TTYH2: variants seen among roughly 807,000 people sequenced by gnomAD.
TTYH2 encodes the protein protein tweety homolog 2.
In TTYH2, 49 loss-of-function variants were observed where a neutral mutation model predicts 68.3. The ratio of observed to expected loss-of-function variants is 0.72; its 90% CI spans 0.57 to 0.91. The LOEUF (loss-of-function observed/expected upper bound fraction) is 0.91, where lower values mean the gene tolerates loss of function less well. Among genes scored for constraint, TTYH2 ranks in the 40% least tolerant of loss-of-function variants. The pLI is 0.00. For missense variants in TTYH2, 631 were observed against 700.4 expected (o/e 0.90, Z 1.12); for synonymous variants, 272 against 300.8 (o/e 0.90, Z 0.99).
chr17:74,245,664 G>A (rs1012170035), intron 6 of TTYH2, among the ~76,000 whole-genome samples: 12 of 152,256 alleles, frequency 7.9e-5, no homozygotes, highest in African/African-American at 2.9e-4. Context: ...CCCTGAGTGC[G>A]AGATGGGGAG....
chr17:74,222,053 G>A lies in TTYH2; in HGVS notation c.130-432G>A, dbSNP rs960353537. Among the ~76,000 whole-genome samples the A allele has an allele frequency of 2.0e-5, 3 of 152,132 alleles. No homozygotes were observed. Among genetic ancestry groups the A allele is most frequent in the Non-Finnish European group, 2.9e-5 (2 of 68,020 alleles). On this transcript the variant is annotated intron_variant, in intron 1 of 13. Transcript: ENST00000269346. The surrounding 1 kb of genome is among the most constrained non-coding windows in gnomAD (Gnocchi z 5.2). ...AGCGCCCGAGGCCTCTGGGTACTCTGGTCTTGGACGGTATCCCTCTCCTTG... is the reference window on the plus strand; with the variant it reads ...AGCGCCCGAGGCCTCTGGGTACTCTAGTCTTGGACGGTATCCCTCTCCTTG...
At position 74,213,799 on chromosome 17, in the gene TTYH2, T is replaced by C. The variant is rs1257785728; in HGVS notation, c.129+83T>C. 3 of 1,514,936 alleles carry C rather than the reference T, an allele frequency of 2.0e-6. No homozygotes were observed. Among genetic ancestry groups the C allele is most frequent in the African/African-American group, 1.4e-5 (1 of 71,470 alleles). 93.8% of individuals were successfully genotyped at this position (1,514,936 alleles called of 1,614,324 possible). On this transcript the variant is annotated intron_variant, in intron 1 of 13. Coordinates refer to ENST00000269346, the MANE Select transcript of TTYH2 (RefSeq NM_032646.6). This position sits in a 1 kb window ranked among gnomAD's most constrained non-coding sequence, Gnocchi z 6.1. ...CCTCTCCCCTCGAGAGCCTGCACTT[T>C]CCCACGTGCCTCTCAGACCCCTTCT...
rs947857352 is a variant in TTYH2 at position 74,214,880 on chromosome 17, C to G, written c.129+1164C>G. Reference sequence around the variant, plus strand: ...GAATCCTGATCCAGTGTGAGGTGCCCAAGCGCCAGTGACAGGGAGTCTAAT... The same window carrying G: ...GAATCCTGATCCAGTGTGAGGTGCCGAAGCGCCAGTGACAGGGAGTCTAAT... On this transcript the variant is annotated intron_variant, in intron 1 of 13. Coordinates refer to ENST00000269346, the MANE Select transcript of TTYH2 (RefSeq NM_032646.6). This position sits in a 1 kb window ranked among gnomAD's most constrained non-coding sequence, Gnocchi z 4.6. Among the ~76,000 whole-genome samples, 3 of 152,140 alleles carry G rather than the reference C, an allele frequency of 2.0e-5. No individual in the cohort carries two copies. In the South Asian group the frequency reaches 6.2e-4, roughly 32 times the overall value.
At chr17:74,238,559 G>T (rs1223831348) in intron 4 of TTYH2, among the ~76,000 whole-genome samples, 4 of 151,968 alleles carry the variant, frequency 2.6e-5, no homozygotes, top group African/African-American at 9.7e-5. Flanking sequence ...ACCACACCTG[G>T]CTAGTTTAAA....
intron 3 of TTYH2, 122 bp downstream of exon 3, chr17:74,231,121 G>A (rs556871413): frequency 3.3e-6 from 3 of 914,298 alleles, no homozygotes; most frequent in East Asian, 5.1e-5. Flanking sequence ...TGTGACGCCT[G>A]AGGGCTGGAC....
chr17:74,237,402 C>T lies in TTYH2; in HGVS notation c.523C>T (p.Gln175Ter), dbSNP rs2050454469. Residue 175 changes from glutamine (Q) to a stop codon, truncating the protein, a stop_gained, in exon 4 of 14, where the codon CAG becomes TAG. Coordinates refer to ENST00000269346, the MANE Select transcript of TTYH2 (RefSeq NM_032646.6). LOFTEE classifies it high-confidence loss of function. Reference sequence around the variant, plus strand: ...TTACCTGCAGACCCTGAAGTTCATACAGCAGATGGCGGGCAGCGTTGTTGT... The same window carrying T: ...TTACCTGCAGACCCTGAAGTTCATATAGCAGATGGCGGGCAGCGTTGTTGT... ...GDYLQTLKFI[Q>*]QMAGSVVVQL... The T allele has an allele frequency of 1.2e-6, 2 of 1,614,166 alleles. No homozygotes were observed. The highest frequency in any genetic ancestry group is 1.1e-5 in the South Asian group (1 of 91,084).
rs73995088 is a variant in TTYH2 at position 74,222,974 on chromosome 17, C to T, written c.302+317C>T. On this transcript the variant is annotated intron_variant, in intron 2 of 13. Transcript: ENST00000269346. The surrounding 1 kb of genome is among the most constrained non-coding windows in gnomAD (Gnocchi z 5.2). The stretch of plus-strand genomic sequence containing the variant: ...CTCCAGTCTCTGTCCCTGGCCCCTG[C>T]CAGCTGCTGCCCTGGGTCTGTGAGG... 0.01 allele frequency among the ~76,000 whole-genome samples: 1,584 copies of T among 152,274 alleles called. 35 individuals carry two copies. Among genetic ancestry groups the T allele is most frequent in the African/African-American group, 0.035 (1,458 of 41,536 alleles).
intron 7 of TTYH2, 64 bp downstream of exon 7, chr17:74,249,144 T>TA: frequency 6.2e-7 from 1 of 1,607,804 alleles, no homozygotes; most frequent in South Asian, 1.1e-5. Context: ...TGCCCCTACT[T>TA]ACCTCTTTCA....
At chr17:74,231,082 A>T (rs1355065720) in intron 3 of TTYH2, 83 bp downstream of exon 3, 28 of 1,252,832 alleles carry the variant, frequency 2.2e-5, no homozygotes, top group Non-Finnish European at 2.3e-6. Flanking sequence ...GTCAGATCCC[A>T]GCTAGCTCAG....
In TTYH2 at chr17:74,260,972, G is replaced by A. The variant is rs1213713357; in HGVS notation, c.*763G>A. The stretch of plus-strand genomic sequence containing the variant: ...TGCAGAATGTGTTAGCTGCAGATAG[G>A]CATGGTCTCAGGTATGAACAGACAC... On this transcript the variant is annotated 3_prime_UTR_variant, in exon 14 of 14. Coordinates refer to ENST00000269346, the MANE Select transcript of TTYH2 (RefSeq NM_032646.6). The A allele has an allele frequency of 1.3e-5, 2 of 152,770 alleles. No homozygotes were observed. The highest frequency in any genetic ancestry group is 2.9e-5 in the Non-Finnish European group (2 of 68,142). 9.5% of individuals were successfully genotyped at this position (152,770 alleles called of 1,614,324 possible).
rs548078575 is a variant in TTYH2, at chr17:74,213,782, C to G, written c.129+66C>G. 77 of 1,564,246 alleles carry G rather than the reference C, an allele frequency of 4.9e-5. No individual in the cohort carries two copies. The highest frequency in any genetic ancestry group is 6.7e-5 in the Non-Finnish European group (77 of 1,151,786). ...AAGTCCCCGCACTACCCCCTCTCCC[C>G]TCGAGAGCCTGCACTTTCCCACGTG... On this transcript the variant is annotated intron_variant, in intron 1 of 13. Transcript: ENST00000269346. This position sits in a 1 kb window ranked among gnomAD's most constrained non-coding sequence, Gnocchi z 6.1.
Position 74,222,612 on chromosome 17 carries a change from C to T in TTYH2, c.257C>T (p.Ser86Phe). The T allele has an allele frequency of 6.2e-7, 1 of 1,611,876 alleles. No individual in the cohort carries two copies. The highest frequency in any genetic ancestry group is 8.5e-7 in the Non-Finnish European group (1 of 1,179,970). The change falls in exon 2 of 14, where the codon TCC becomes TTC. Residue 86 changes from serine to phenylalanine, a missense_variant. Transcript: ENST00000269346. This position sits in a 1 kb window ranked among gnomAD's most constrained non-coding sequence, Gnocchi z 5.2. ...DDAVQTKQHH[S>F]CCITWTAVVA... ...GCGGTGCAGACCAAGCAGCACCACT[C>T]CTGCTGCATCACCTGGACGGCCGTG...
At chr17:74,237,719 G>C (rs569599556) in intron 4 of TTYH2, among the ~76,000 whole-genome samples, 2 of 151,930 alleles carry the variant, frequency 1.3e-5, no homozygotes, top group African/African-American at 4.8e-5. Context: ...CTCTACCTCC[G>C]GGGTTCAAGA....
chr17:74,222,887 A>G lies in TTYH2; in HGVS notation c.302+230A>G, dbSNP rs550851467. Among the ~76,000 whole-genome samples the G allele has an allele frequency of 6.6e-6, 1 of 152,008 alleles. No homozygotes were observed. Among genetic ancestry groups the G allele is most frequent in the Non-Finnish European group, 1.5e-5 (1 of 67,960 alleles). ...GTGGCCCCCCACAAACCCTGCCCCA[A>G]TGTGGGTTTGTCCTGTGCCCAGCAG... On this transcript the variant is annotated intron_variant, in intron 2 of 13. Coordinates refer to ENST00000269346, the MANE Select transcript of TTYH2 (RefSeq NM_032646.6). This position sits in a 1 kb window ranked among gnomAD's most constrained non-coding sequence, Gnocchi z 5.2.
intron 6 of TTYH2, among the ~76,000 whole-genome samples, chr17:74,246,275 G>T (rs1276745406): frequency 6.6e-6 from 1 of 152,140 alleles, no homozygotes; most frequent in East Asian, 1.9e-4. Context: ...CAGCCACCCT[G>T]TCTGGGCCCA....
rs779777257 is a variant in TTYH2, at chr17:74,237,557, A to G, written c.635+43A>G. 7 of 1,541,424 alleles carry G rather than the reference A, an allele frequency of 4.5e-6. No homozygotes were observed. The African/African-American group carries it at 9.5e-5, about 21-fold the overall frequency. ...GGCAGAGGGAGGGGCAGCAGCGGCT[A>G]CATCAGCTTTGTTTATCCAAACCTG... On this transcript the variant is annotated intron_variant, in intron 4 of 13. Transcript: ENST00000269346.
Position 74,222,633 on chromosome 17 carries a change from C to T in TTYH2, c.278C>T (p.Ala93Val). ...QHHSCCITWT[A>V]VVAGLICCAA... is the part of the protein sequence containing the mutation. Reference sequence around the variant, plus strand: ...CACTCCTGCTGCATCACCTGGACGGCCGTGGTGGCCGGGCTCATCTGCTGG... The same window carrying T: ...CACTCCTGCTGCATCACCTGGACGGTCGTGGTGGCCGGGCTCATCTGCTGG... The change falls in exon 2 of 14, where the codon GCC (alanine) becomes GTC (valine). Residue 93 changes from alanine to valine, a missense_variant. Coordinates refer to ENST00000269346, the MANE Select transcript of TTYH2 (RefSeq NM_032646.6). This position sits in a 1 kb window ranked among gnomAD's most constrained non-coding sequence, Gnocchi z 5.2. The T allele has an allele frequency of 1.9e-6, 3 of 1,610,252 alleles. No homozygotes were observed. The highest frequency in any genetic ancestry group is 2.2e-5 in the South Asian group (2 of 91,016).
Position 74,260,587 on chromosome 17 carries a change from C to G in TTYH2, c.*378C>G, listed in dbSNP as rs1264854560. On this transcript the variant is annotated 3_prime_UTR_variant, in exon 14 of 14. Coordinates refer to ENST00000269346, the MANE Select transcript of TTYH2 (RefSeq NM_032646.6). ...AGAGAGCTGTGTGTTCTCTCTGGTC[C>G]CACAACGATGACTCTGCCTCTTGTC... 3.8e-6 allele frequency: 1 copy of G among 264,870 alleles called. No individual in the cohort carries two copies. The highest frequency in any genetic ancestry group is 5.1e-5 in the South Asian group (1 of 19,572). 16.4% of individuals were successfully genotyped at this position (264,870 alleles called of 1,614,324 possible). A position where few individuals can be genotyped will look rare whatever the true frequency, so the allele number is the denominator to read the frequency against.
At chr17:74,226,608 G>A (rs2050332883) in intron 2 of TTYH2, among the ~76,000 whole-genome samples, 1 of 152,184 alleles carries the variant, frequency 6.6e-6, no homozygotes, top group Non-Finnish European at 1.5e-5. Flanking sequence ...GGAGGTAAAG[G>A]TTGGGGCACT....
Sources: gnomAD v4.1 joint callset for allele counts (sites outside exome capture counted in the v4.1 genomes callset) on GRCh38, gnomAD v4.1.1 for gene constraint, Gnocchi (gnomAD v3.1) non-coding constraint, MANE v1.5 for transcripts, NCBI Gene and HGNC (gene_info 2026-07-23, HGNC 2026-07-21) for gene names.